MAP2K4: variants seen among roughly 807,000 people sequenced by gnomAD.
The protein encoded by MAP2K4 is dual specificity mitogen-activated protein kinase kinase 4.
MAP2K4 carries 4 observed loss-of-function variants against 48.5 expected under a neutral mutation model. That is an observed-to-expected ratio of 0.08 (90% CI 0.04 to 0.19). The LOEUF (loss-of-function observed/expected upper bound fraction) is 0.19. MAP2K4 is among the 10% of genes least tolerant of loss of function. The pLI is 1.00. For missense variants in MAP2K4, 258 were observed against 493.3 expected (o/e 0.52, Z 4.52); for synonymous variants, 166 against 173.1 (o/e 0.96, Z 0.32).
intron 2 of MAP2K4, among the ~76,000 whole-genome samples, chr17:12,058,654 T>C (rs1257038157): frequency 6.6e-6 from 1 of 152,266 alleles, no homozygotes; most frequent in Non-Finnish European, 1.5e-5. Flanking sequence ...TGGCCAATGT[T>C]GTTTTATCTT....
chr17:12,100,753 G>A lies in MAP2K4; in HGVS notation c.513+5059G>A, dbSNP rs1008608627. ...TGATGTGTTGTGTTAATCTTTAGCC[G>A]TTCTAGTAAATGTGTGGTGGAATCT... is the stretch of plus-strand genomic sequence containing the variant. On this transcript the variant is annotated intron_variant, in intron 4 of 10. Coordinates refer to ENST00000353533, the MANE Select transcript of MAP2K4 (RefSeq NM_003010.4). Among the ~76,000 whole-genome samples, 9 of 152,118 alleles carry A rather than the reference G, an allele frequency of 5.9e-5. No individual in the cohort carries two copies. The East Asian group carries it at 1.4e-3, about 23-fold the overall frequency.
At chr17:12,027,987 TAAC>T (rs1969315310) in intron 1 of MAP2K4, among the ~76,000 whole-genome samples, 1 of 152,208 alleles carries the variant, frequency 6.6e-6, no homozygotes, top group Admixed American at 6.5e-5. Context: ...GTGATAATAA[TAAC>T]CTGCTTTAGT....
intron 9 of MAP2K4, among the ~76,000 whole-genome samples, chr17:12,130,779 G>A (rs533233576): frequency 1.1e-4 from 16 of 152,198 alleles, no homozygotes; most frequent in Non-Finnish European, 2.9e-5. Context: ...GCCACTCTTT[G>A]TCTTGGACAT....
intron 3 of MAP2K4, among the ~76,000 whole-genome samples, chr17:12,087,928 C>T (rs1003306858): frequency 1.3e-5 from 2 of 151,820 alleles, no homozygotes; most frequent in Non-Finnish European, 2.9e-5. Flanking sequence ...TGGCCATTTT[C>T]GTGTGTGATC....
intron 2 of MAP2K4, among the ~76,000 whole-genome samples, chr17:12,075,681 T>G (rs969980068): frequency 6.6e-6 from 1 of 152,202 alleles, no homozygotes; most frequent in Non-Finnish European, 1.5e-5. Flanking sequence ...CTAACACCTT[T>G]CAAATTGGCA....
intron 1 of MAP2K4, among the ~76,000 whole-genome samples, chr17:12,054,566 G>A (rs2151525964): frequency 6.6e-6 from 1 of 152,158 alleles, no homozygotes; most frequent in South Asian, 2.1e-4. Flanking sequence ...GAATTTTTCA[G>A]TATATCTACT....
chr17:12,044,860 G>A (rs1191847848), intron 1 of MAP2K4, among the ~76,000 whole-genome samples: 1 of 152,208 alleles, frequency 6.6e-6, no homozygotes, highest in Non-Finnish European at 1.5e-5. Flanking sequence ...TAATTAATTT[G>A]CTGGTCTTTC....
At chr17:12,069,290 G>A (rs904127890) in intron 2 of MAP2K4, among the ~76,000 whole-genome samples, 2 of 152,158 alleles carry the variant, frequency 1.3e-5, no homozygotes, top group African/African-American at 4.8e-5. Context: ...ATGAAAACAT[G>A]TAACCTATAG....
At chr17:12,129,040 A>G in intron 8 of MAP2K4, 99 bp from the exon 9 acceptor site, 1 of 1,100,726 alleles carries the variant, frequency 9.1e-7, no homozygotes, top group Non-Finnish European at 1.3e-6. Context: ...AGGCTTTACT[A>G]GAGTTTTGCT....
At chr17:12,075,760 C>T (rs2151543721) in intron 2 of MAP2K4, among the ~76,000 whole-genome samples, 1 of 152,244 alleles carries the variant, frequency 6.6e-6, no homozygotes, top group Admixed American at 6.5e-5. Context: ...TAAATCAGTG[C>T]AGACTTGGTA....
intron 8 of MAP2K4, among the ~76,000 whole-genome samples, chr17:12,128,609 G>A (rs1298400795): frequency 6.6e-6 from 1 of 152,134 alleles, no homozygotes; most frequent in Non-Finnish European, 1.5e-5. Context: ...GTAAAATCTG[G>A]TTGTGGTTGA....
chr17:12,095,538 T>C (rs371384577), intron 3 of MAP2K4, 37 bp from the exon 4 acceptor site: 6 of 1,611,884 alleles, frequency 3.7e-6, no homozygotes, highest in Admixed American at 1.7e-5. Context: ...GACAAAATTA[T>C]TGTGTTTTTT....
chr17:12,066,279 A>G (rs552809165), intron 2 of MAP2K4, among the ~76,000 whole-genome samples: 162 of 152,314 alleles, frequency 1.1e-3, no homozygotes, highest in Non-Finnish European at 1.9e-3. Context: ...GCAGAAAGTT[A>G]TAAAACAAAA....
chr17:12,090,265 T>C (rs1005447549), intron 3 of MAP2K4, among the ~76,000 whole-genome samples: 1 of 152,168 alleles, frequency 6.6e-6, no homozygotes, highest in Non-Finnish European at 1.5e-5. Flanking sequence ...GAATCAGTAG[T>C]TGTCACATCA....
intron 4 of MAP2K4, among the ~76,000 whole-genome samples, chr17:12,100,705 C>T (rs1971909494): frequency 6.6e-6 from 1 of 152,094 alleles, no homozygotes; most frequent in South Asian, 2.1e-4. Context: ...CAGCTTCTTC[C>T]ATGTCTATTC....
At position 12,035,234 on chromosome 17, in the gene MAP2K4, T is replaced by C. The variant is rs1480178024; in HGVS notation, c.115+14233T>C. Reference sequence around the variant, plus strand: ...TCACACTTTTCTTTAAAATTGGGCTTGGGCTGGGCACGGTGGCTCATGCCT... The same window carrying C: ...TCACACTTTTCTTTAAAATTGGGCTCGGGCTGGGCACGGTGGCTCATGCCT... On this transcript the variant is annotated intron_variant, in intron 1 of 10. Coordinates refer to ENST00000353533, the MANE Select transcript of MAP2K4 (RefSeq NM_003010.4). Among the ~76,000 whole-genome samples the C allele has an allele frequency of 5.1e-4, 77 of 152,204 alleles. 1 individual carries two copies. The highest frequency in any genetic ancestry group is 5.0e-3 in the Admixed American group (77 of 15,282).
chr17:12,131,487 T>C (rs1973021037), intron 9 of MAP2K4, among the ~76,000 whole-genome samples: 1 of 152,002 alleles, frequency 6.6e-6, no homozygotes, highest in Non-Finnish European at 1.5e-5. Context: ...CCTCGTGATC[T>C]GCCCGCCTCG....
intron 9 of MAP2K4, among the ~76,000 whole-genome samples, chr17:12,131,312 C>T (rs1973016714): frequency 6.8e-6 from 1 of 147,116 alleles, no homozygotes; most frequent in Non-Finnish European, 1.5e-5. Flanking sequence ...ATGATGTGGT[C>T]GCAGCTCACT....
At chr17:12,085,583 C>T (rs1165494164) in intron 3 of MAP2K4, among the ~76,000 whole-genome samples, 1 of 152,036 alleles carries the variant, frequency 6.6e-6, no homozygotes, top group Non-Finnish European at 1.5e-5. Context: ...TACCCTTTCA[C>T]CTCTACTGTT....
Sources: allele counts gnomAD v4.1 joint callset (sites outside exome capture counted in the v4.1 genomes callset), GRCh38; gene constraint gnomAD v4.1.1; transcripts MANE v1.5; gene names NCBI Gene and HGNC (gene_info 2026-07-23, HGNC 2026-07-21).